Variants in ELMO1 observed in about 807,000 individuals in gnomAD.
ELMO1 encodes engulfment and cell motility 1, also known as engulfment and cell motility protein 1.
Under a neutral mutation model 98.9 loss-of-function variants are expected in ELMO1, and 26 were observed. The ratio of observed to expected loss-of-function variants is 0.26; its 90% confidence interval spans 0.19 to 0.36. The LOEUF is 0.36. Ranked by LOEUF, ELMO1 falls within the 10% of genes least tolerant of loss-of-function variation. The pLI is 1.00. For missense variants in ELMO1, 627 were observed against 935.2 expected, an observed-to-expected ratio of 0.67 and a Z score of 4.30; for synonymous variants, 346 against 346.0, an observed-to-expected ratio of 1.00 and a Z score of 0.00.
chr7:37,248,185 G>A (rs1429820871), intron 6 of ELMO1, among the ~76,000 whole-genome samples: 1 of 131,604 alleles, frequency 7.6e-6, no homozygotes, highest in Non-Finnish European at 1.6e-5. Context: ...GCCCTAAGTG[G>A]GATTTTATAT....
intron 16 of ELMO1, among the ~76,000 whole-genome samples, chr7:36,952,746 C>T (rs955820685): frequency 1.2e-4 from 18 of 151,876 alleles, no homozygotes; most frequent in African/African-American, 3.6e-4. Flanking sequence ...AAGAGAGGTC[C>T]ACTTACATAA....
At chr7:37,179,366 C>T (rs1790702423) in intron 13 of ELMO1, among the ~76,000 whole-genome samples, 1 of 151,594 alleles carries the variant, frequency 6.6e-6, no homozygotes, top group Non-Finnish European at 1.5e-5. Flanking sequence ...CAACCTCCGC[C>T]TCCAGGGTTC....
chr7:37,147,814 G>C (rs1383768886), intron 13 of ELMO1, among the ~76,000 whole-genome samples: 2 of 149,600 alleles, frequency 1.3e-5, no homozygotes. Flanking sequence ...AGAGGAGAGA[G>C]GCATGTCAGA....
At chr7:37,058,699 G>A (rs1368954539) in intron 15 of ELMO1, among the ~76,000 whole-genome samples, 5 of 152,010 alleles carry the variant, frequency 3.3e-5, no homozygotes, top group Non-Finnish European at 7.4e-5. Context: ...GAAGCCCTGG[G>A]GATACTCTAG....
intron 1 of ELMO1, among the ~76,000 whole-genome samples, chr7:37,434,822 C>T (rs946232623): frequency 6.6e-6 from 1 of 152,198 alleles, no homozygotes; most frequent in Non-Finnish European, 1.5e-5. Context: ...AATTCTTTCA[C>T]CCTCCTCCCT....
intron 1 of ELMO1, chr7:37,375,749 T>A (rs1802312862): frequency 1.1e-5 from 13 of 1,169,138 alleles, no homozygotes; most frequent in Non-Finnish European, 1.4e-5. Context: ...AATGAGGGTA[T>A]CCAGTATCTC....
chr7:37,444,573 C>T (rs140716894), intron 1 of ELMO1, among the ~76,000 whole-genome samples: 5,205 of 151,958 alleles, frequency 0.034, 137 homozygotes, highest in Admixed American at 0.08. Context: ...AGTGCAGTGG[C>T]GCAATCTCAG....
At chr7:36,995,654 G>A (rs1283304477) in intron 16 of ELMO1, among the ~76,000 whole-genome samples, 1 of 151,912 alleles carries the variant, frequency 6.6e-6, no homozygotes, top group Non-Finnish European at 1.5e-5. Flanking sequence ...TTCTGAATGA[G>A]TAAAAAAAAT....
chr7:36,915,298 T>C (rs937639297), intron 16 of ELMO1, among the ~76,000 whole-genome samples: 3 of 152,234 alleles, frequency 2.0e-5, no homozygotes, highest in Non-Finnish European at 4.4e-5. Flanking sequence ...CATTTATTTT[T>C]GGTAATTTTT....
intron 2 of ELMO1, among the ~76,000 whole-genome samples, chr7:37,338,797 G>A (rs1346120081): frequency 6.6e-6 from 1 of 152,250 alleles, no homozygotes; most frequent in Non-Finnish European, 1.5e-5. Flanking sequence ...GAAGGCGAGA[G>A]CAGGAGTCAG....
intron 2 of ELMO1, among the ~76,000 whole-genome samples, chr7:37,328,383 CA>C (rs10669717): frequency 0.073 from 4,717 of 64,412 alleles, 104 homozygotes; most frequent in African/African-American, 0.19. Flanking sequence ...GACCCTGCCA[CA>C]AAAAAAAAAA....
chr7:37,151,727 G>C (rs1788373334), intron 13 of ELMO1, among the ~76,000 whole-genome samples: 1 of 152,174 alleles, frequency 6.6e-6, no homozygotes, highest in Non-Finnish European at 1.5e-5. Context: ...AGACAAGAGA[G>C]ATGGACATAG....
chr7:37,332,999 C>T (rs79536407), intron 2 of ELMO1, among the ~76,000 whole-genome samples: 3 of 152,206 alleles, frequency 2.0e-5, no homozygotes, highest in Admixed American at 6.5e-5. Flanking sequence ...TTTTACAGGA[C>T]TTGCTATTTG....
intron 16 of ELMO1, among the ~76,000 whole-genome samples, chr7:36,980,455 G>C (rs188922100): frequency 4.1e-4 from 62 of 152,298 alleles, no homozygotes; most frequent in African/African-American, 1.4e-3. Flanking sequence ...GACATAGGAA[G>C]TCACCAAGTC....
rs191312993 is a variant in ELMO1 at position 37,345,245 on chromosome 7, C to T, written c.-73-2482G>A. 1.4e-3 allele frequency among the ~76,000 whole-genome samples: 213 copies of T among 152,210 alleles called. 1 individual carries two copies. Among genetic ancestry groups the T allele is most frequent in the Non-Finnish European group, 2.5e-3 (171 of 68,012 alleles). On this transcript the variant is annotated intron_variant, in intron 1 of 21. Coordinates refer to ENST00000310758, the MANE Select transcript of ELMO1 (RefSeq NM_014800.11). ...CCTCTGCTCAGTGCCAGGTCTATTCCCCATGCTGAGGATATACAGCAGCAA... is the reference window on the plus strand; with the variant it reads ...CCTCTGCTCAGTGCCAGGTCTATTCTCCATGCTGAGGATATACAGCAGCAA...
chr7:37,411,455 C>T (rs1214979164), intron 1 of ELMO1, among the ~76,000 whole-genome samples: 1 of 152,168 alleles, frequency 6.6e-6, no homozygotes, highest in East Asian at 1.9e-4. Context: ...GCTTTTCATC[C>T]TCAAAATTCT....
At chr7:37,292,663 T>C (rs1797770610) in intron 4 of ELMO1, among the ~76,000 whole-genome samples, 1 of 108,158 alleles carries the variant, frequency 9.2e-6, no homozygotes. Flanking sequence ...GAGGAGCCCC[T>C]CCGCCCAGCA....
intron 16 of ELMO1, among the ~76,000 whole-genome samples, chr7:36,982,889 T>C (rs1791189264): frequency 6.6e-6 from 1 of 152,204 alleles, no homozygotes; most frequent in African/African-American, 2.4e-5. Context: ...CAGCTCCACA[T>C]TGCCCTAGCA....
chr7:37,337,795 A>G (rs1297127730), intron 2 of ELMO1, among the ~76,000 whole-genome samples: 1 of 152,178 alleles, frequency 6.6e-6, no homozygotes, highest in Non-Finnish European at 1.5e-5. Context: ...AGAGACAAGA[A>G]ATACTGGAGG....
Sources: gnomAD v4.1 joint callset for allele counts (sites outside exome capture counted in the v4.1 genomes callset) on GRCh38, gnomAD v4.1.1 for gene constraint, MANE v1.5 for transcripts, NCBI Gene and HGNC (gene_info 2026-07-23, HGNC 2026-07-21) for gene names.